TTC17: variants seen among roughly 807,000 people sequenced by gnomAD.
The protein encoded by TTC17 is tetratricopeptide repeat domain 17.
In TTC17, 58 loss-of-function variants were observed where a neutral mutation model predicts 143.8. The ratio of observed to expected loss-of-function variants is 0.40; its 90% CI spans 0.33 to 0.50. TTC17 has a LOEUF of 0.50. TTC17 is among the 20% of genes least tolerant of loss of function. The probability of loss-of-function intolerance (pLI) is 0.49; values close to 1 mark genes in which losing one functional copy is unlikely to be tolerated. For synonymous variants in TTC17, 501 were observed against 497.8 expected (o/e 1.01, Z -0.09); for missense variants, 1,273 against 1,392.5 (o/e 0.91, Z 1.37).
chr11:43,468,460 C>G (rs2134821525), intron 21 of TTC17: 1 of 152,084 alleles, frequency 6.6e-6, no homozygotes, highest in South Asian at 2.1e-4. Flanking sequence ...AAGAAAAAAC[C>G]CATACCTCAC....
chr11:43,403,140 T>TA (rs1857948428), intron 10 of TTC17, among the ~76,000 whole-genome samples: 1 of 152,154 alleles, frequency 6.6e-6, no homozygotes, highest in East Asian at 1.9e-4. Flanking sequence ...CCAAGCATTT[T>TA]AAAGGGAAGA....
At chr11:43,391,009 ACT>A (rs1857364369) in intron 3 of TTC17, among the ~76,000 whole-genome samples, 1 of 152,074 alleles carries the variant, frequency 6.6e-6, no homozygotes, top group South Asian at 2.1e-4. Context: ...AAAATGTTTG[ACT>A]CTTCATGGCA....
At chr11:43,489,409 TGGTG>T (rs1267688687) in intron 21 of TTC17, among the ~76,000 whole-genome samples, 1 of 152,046 alleles carries the variant, frequency 6.6e-6, no homozygotes, top group Non-Finnish European at 1.5e-5. Context: ...TATAAGGAAA[TGGTG>T]ATACTTAGAT....
chr11:43,451,169 T>C lies in TTC17; in HGVS notation c.2947-13T>C. On this transcript the variant is annotated splice_polypyrimidine_tract_variant and intron_variant, in intron 20 of 23. Transcript: ENST00000039989. ...TTTTCATTCTTCTAATCTACTATCT[T>C]CCTTCCTTCCAGGTATTACAAAATC... The C allele has an allele frequency of 6.2e-7, 1 of 1,610,950 alleles. No individual in the cohort carries two copies. Among genetic ancestry groups the C allele is most frequent in the Non-Finnish European group, 8.5e-7 (1 of 1,177,354 alleles).
chr11:43,439,751 G>A (rs920124606), intron 16 of TTC17, among the ~76,000 whole-genome samples: 7 of 152,158 alleles, frequency 4.6e-5, no homozygotes, highest in Non-Finnish European at 8.8e-5. Flanking sequence ...GATTACAGGC[G>A]TGAGCCACCG....
chr11:43,468,292 C>CA, intron 21 of TTC17: 1 of 152,164 alleles, frequency 6.6e-6, no homozygotes, highest in East Asian at 1.9e-4. Flanking sequence ...ATGTTATTGG[C>CA]AAAATGATAG....
At chr11:43,373,551 C>T (rs1187079330) in intron 1 of TTC17, among the ~76,000 whole-genome samples, 5 of 152,056 alleles carry the variant, frequency 3.3e-5, no homozygotes, top group Non-Finnish European at 7.4e-5. Context: ...TCTCGATCTC[C>T]TGACCTCATG....
intron 5 of TTC17, 110 bp from the exon 6 acceptor site, chr11:43,396,596 CTCT>C (rs1857601538): frequency 7.5e-6 from 4 of 531,374 alleles, no homozygotes; most frequent in East Asian, 5.8e-5. Flanking sequence ...TTCAGTCTGG[CTCT>C]TCTTCATCTT....
chr11:43,393,175 A>G (rs1044282785), intron 5 of TTC17, among the ~76,000 whole-genome samples: 1 of 152,088 alleles, frequency 6.6e-6, no homozygotes, highest in Non-Finnish European at 1.5e-5. Context: ...GACACTAACT[A>G]CCTGGAGTTA....
At position 43,362,020 on chromosome 11, in the gene TTC17, G is replaced by A. The variant is rs150795098; in HGVS notation, c.159+2907G>A. On this transcript the variant is annotated intron_variant, in intron 1 of 23. Transcript: ENST00000039989. Reference sequence around the variant, plus strand: ...TTTGAGATGGAGTTTTGCTCTTGTTGCCCAGGCTGGAGTGCAATGGCGCTA... The same window carrying A: ...TTTGAGATGGAGTTTTGCTCTTGTTACCCAGGCTGGAGTGCAATGGCGCTA... Among the ~76,000 whole-genome samples the A allele has an allele frequency of 9.3e-3, 1,057 of 113,060 alleles. 8 individuals are homozygous for A. The highest frequency in any genetic ancestry group is 0.015 in the Non-Finnish European group (840 of 57,374). The allele number at this position is 113,060 out of a possible 152,430, so 74.2% of individuals were successfully genotyped here.
chr11:43,460,367 T>C (rs1436118054), intron 21 of TTC17, among the ~76,000 whole-genome samples: 1 of 152,214 alleles, frequency 6.6e-6, no homozygotes, highest in Non-Finnish European at 1.5e-5. Context: ...TCTTCCAAGA[T>C]ACTGTCTCAC....
At chr11:43,388,034 C>T (rs1295536155) in intron 2 of TTC17, among the ~76,000 whole-genome samples, 1 of 152,132 alleles carries the variant, frequency 6.6e-6, no homozygotes, top group Non-Finnish European at 1.5e-5. Context: ...CAGATTGACA[C>T]GTCTATATAA....
chr11:43,403,836 T>C (rs187605933), intron 10 of TTC17, among the ~76,000 whole-genome samples, 162 bp from the exon 11 acceptor site: 116 of 152,338 alleles, frequency 7.6e-4, no homozygotes, highest in East Asian at 1.9e-3. Context: ...AAGAATATCG[T>C]TGGGGCATAG....
chr11:43,440,394 A>G (rs571569316), intron 16 of TTC17, among the ~76,000 whole-genome samples: 2 of 152,342 alleles, frequency 1.3e-5, no homozygotes, highest in South Asian at 4.1e-4. Flanking sequence ...TTCTGTTTAC[A>G]TATTCACAGA....
chr11:43,383,305 A>G (rs544422706), intron 2 of TTC17, among the ~76,000 whole-genome samples: 1 of 152,248 alleles, frequency 6.6e-6, no homozygotes, highest in South Asian at 2.1e-4. Flanking sequence ...TGCAGTGTGT[A>G]TGGACTATGT....
At position 43,494,028 on chromosome 11, in the gene TTC17, G is replaced by T; in HGVS notation, c.*124G>T. On this transcript the variant is annotated 3_prime_UTR_variant, in exon 24 of 24. Transcript: ENST00000039989. ...GTGAAAATAACTAAGACTTATAACA[G>T]GACTTTTACATATGTGGGAATTGGT... The T allele has an allele frequency of 7.6e-7, 1 of 1,323,910 alleles. No individual in the cohort carries two copies. Among genetic ancestry groups the T allele is most frequent in the Non-Finnish European group, 1.0e-6 (1 of 996,696 alleles). 82.0% of individuals were successfully genotyped at this position (1,323,910 alleles called of 1,614,324 possible).
chr11:43,373,904 T>G (rs2134461462), intron 1 of TTC17, among the ~76,000 whole-genome samples: 1 of 152,348 alleles, frequency 6.6e-6, no homozygotes, highest in East Asian at 1.9e-4. Context: ...ATGATCTGTT[T>G]AAAGCCATAC....
intron 23 of TTC17, among the ~76,000 whole-genome samples, 156 bp from the exon 24 acceptor site, chr11:43,493,617 A>G (rs1474857092): frequency 1.3e-5 from 2 of 152,164 alleles, no homozygotes; most frequent in East Asian, 3.9e-4. Flanking sequence ...TTCCTCCCAG[A>G]GGAACCTCAG....
At chr11:43,377,032 T>C (rs956336841) in intron 1 of TTC17, among the ~76,000 whole-genome samples, 3 of 152,190 alleles carry the variant, frequency 2.0e-5, no homozygotes, top group African/African-American at 2.4e-5. Flanking sequence ...TGGTGGCTCA[T>C]GCCTGTAATC....
Sources: gnomAD v4.1 joint callset for allele counts (sites outside exome capture counted in the v4.1 genomes callset) on GRCh38, gnomAD v4.1.1 for gene constraint, MANE v1.5 for transcripts, NCBI Gene and HGNC (gene_info 2026-07-23, HGNC 2026-07-21) for gene names.